Variants in OCSTAMP observed in about 807,000 individuals in gnomAD.
The protein encoded by OCSTAMP is transmembrane protein C20orf123.
A neutral mutation model predicts 25.2 loss-of-function variants in OCSTAMP; 17 were observed. That is an observed-to-expected ratio of 0.68 (90% CI 0.46 to 1.01). The LOEUF is 1.01. Among genes scored for constraint, OCSTAMP ranks in the 50% least tolerant of loss-of-function variants. The pLI is 0.00. For missense variants in OCSTAMP, 664 were observed against 694.6 expected (o/e 0.96, Z 0.50); for synonymous variants, 345 against 318.9 (o/e 1.08, Z -0.87).
At chr20:46,544,769 G>A (rs997641955) in intron 2 of OCSTAMP, among the ~76,000 whole-genome samples, 1 of 152,172 alleles carries the variant, frequency 6.6e-6, no homozygotes, top group African/African-American at 2.4e-5. Context: ...GCATGGCTGT[G>A]TTCTAAAAAA....
intron 1 of OCSTAMP, among the ~76,000 whole-genome samples, chr20:46,548,965 T>C (rs989021117): frequency 7.9e-5 from 12 of 152,288 alleles, no homozygotes; most frequent in Non-Finnish European, 1.2e-4. Context: ...GGGACCACCA[T>C]GTAGTATGAG....
Position 46,545,578 on chromosome 20 carries a change from G to T in OCSTAMP, c.796C>A (p.Arg266=), listed in dbSNP as rs369681916. 3.2e-6 allele frequency: 5 copies of T among 1,551,554 alleles called. No homozygotes were observed. Among genetic ancestry groups the T allele is most frequent in the African/African-American group, 1.4e-5 (1 of 73,056 alleles). The change falls in exon 2 of 3, where the codon CGG becomes AGG. Residue 266 remains arginine (R), a synonymous_variant. Coordinates refer to ENST00000279028, the MANE Select transcript of OCSTAMP (RefSeq NM_080721.3). ...TGTGTAGCCTGGGCCTGTGCCAACCGCTGGGTCAGCTGTTGAGTGGCGTAG... is the reference window on the plus strand; with the variant it reads ...TGTGTAGCCTGGGCCTGTGCCAACCTCTGGGTCAGCTGTTGAGTGGCGTAG... ...NIYATQQLTQ[R]LAQAQATHLL...
rs778371335 is a variant in OCSTAMP, at chr20:46,545,627, C to A, written c.747G>T (p.Leu249=). 3.0e-5 allele frequency: 46 copies of A among 1,551,588 alleles called. No homozygotes were observed. The highest frequency in any genetic ancestry group is 3.9e-5 in the Non-Finnish European group (45 of 1,147,006). The change falls in exon 2 of 3, where the codon CTG becomes CTT. Residue 249 remains leucine, a synonymous_variant. Coordinates refer to ENST00000279028, the MANE Select transcript of OCSTAMP (RefSeq NM_080721.3). Reference sequence around the variant, plus strand: ...AGATATTGTCAAACCGCAGGTCTGTCAGGTAGCAATGGAGGTACCATGCCG... The same window carrying A: ...AGATATTGTCAAACCGCAGGTCTGTAAGGTAGCAATGGAGGTACCATGCCG... ...VESAWYLHCY[L]TDLRFDNIYA...
At chr20:46,544,584 G>A (rs533641970) in intron 2 of OCSTAMP, among the ~76,000 whole-genome samples, 18 of 152,266 alleles carry the variant, frequency 1.2e-4, no homozygotes, top group Non-Finnish European at 2.4e-4. Context: ...AGAAAGGATC[G>A]AAAAACACAA....
At chr20:46,545,050 G>C (rs560341285) in intron 2 of OCSTAMP, among the ~76,000 whole-genome samples, 13 of 152,348 alleles carry the variant, frequency 8.5e-5, no homozygotes, top group African/African-American at 2.9e-4. Context: ...GCTAGGACAA[G>C]CTGCCACTTG....
At chr20:46,550,450 C>A (rs745930100) in intron 1 of OCSTAMP, 67 bp downstream of exon 1, 26 of 1,397,108 alleles carry the variant, frequency 1.9e-5, no homozygotes, top group Non-Finnish European at 2.6e-5. Flanking sequence ...GGGTTCATAT[C>A]CATCACCCCC....
chr20:46,542,236 A>G (rs1244514531), intron 2 of OCSTAMP, among the ~76,000 whole-genome samples: 1 of 152,204 alleles, frequency 6.6e-6, no homozygotes, highest in Non-Finnish European at 1.5e-5. Flanking sequence ...GTCCTATTCC[A>G]TCCAATATAC....
chr20:46,544,594 A>G (rs1036876022), intron 2 of OCSTAMP, among the ~76,000 whole-genome samples: 1 of 152,260 alleles, frequency 6.6e-6, no homozygotes, highest in African/African-American at 2.4e-5. Flanking sequence ...GAAAAACACA[A>G]CTCTTGATCT....
At chr20:46,543,298 TCTCTTTC>T (rs1398319062) in intron 2 of OCSTAMP, among the ~76,000 whole-genome samples, 11 of 77,882 alleles carry the variant, frequency 1.4e-4, no homozygotes, top group African/African-American at 5.5e-4. Flanking sequence ...TTTCTCTCTT[TCTCTTTC>T]CTTTCTTTCT....
chr20:46,543,373 G>A (rs1054429291), intron 2 of OCSTAMP, among the ~76,000 whole-genome samples: 2 of 129,666 alleles, frequency 1.5e-5, no homozygotes, highest in African/African-American at 6.3e-5. Flanking sequence ...TGCTGGCTCA[G>A]GTTGGAGTGC....
chr20:46,545,652 G>T lies in OCSTAMP; in HGVS notation c.722C>A (p.Ser241Ter), dbSNP rs1000693130. The change falls in exon 2 of 3, where the codon TCG becomes TAG. Residue 241 changes from serine (S) to a stop codon, truncating the protein, a stop_gained. Coordinates refer to ENST00000279028, the MANE Select transcript of OCSTAMP (RefSeq NM_080721.3). LOFTEE classifies it high-confidence loss of function. The part of the protein sequence containing the change: ...GLFMLGLLVE[S>*]AWYLHCYLTD... The stretch of plus-strand genomic sequence containing the variant: ...CAGGTAGCAATGGAGGTACCATGCC[G>T]ACTCCACCAGGAGGCCCAACATAAA... 21 of 1,551,578 alleles carry T rather than the reference G, an allele frequency of 1.4e-5. No individual in the cohort carries two copies. Among genetic ancestry groups the T allele is most frequent in the Non-Finnish European group, 1.4e-5 (16 of 1,147,002 alleles).
In OCSTAMP at chr20:46,541,668, G is replaced by C; in HGVS notation, c.1307C>G (p.Ala436Gly). Reference protein sequence around the residue: ...RHAIAASFFTAQEARRVRHLH... With the variant: ...RHAIAASFFTGQEARRVRHLH... ...GTGGCGGACCCTCCTCGCCTCCTGG[G>C]CTGTGAAGAAGGAAGCGGCGATGGC... The change falls in exon 3 of 3, where the codon GCC becomes GGC. Residue 436 changes from alanine to glycine, a missense_variant. By Grantham distance (60) the Ala-to-Gly change is moderately conservative. Transcript: ENST00000279028. The C allele has an allele frequency of 6.4e-7, 1 of 1,550,724 alleles. No homozygotes were observed. Among genetic ancestry groups the C allele is most frequent in the Non-Finnish European group, 8.7e-7 (1 of 1,146,966 alleles).
At position 46,546,296 on chromosome 20, in the gene OCSTAMP, G is replaced by T. The variant is rs1423143447; in HGVS notation, c.78C>A (p.Ala26=). 2 of 1,549,604 alleles carry T rather than the reference G, an allele frequency of 1.3e-6. No individual in the cohort carries two copies. Among genetic ancestry groups the T allele is most frequent in the African/African-American group, 2.7e-5 (2 of 72,974 alleles). ...CCCAGGCAGCCTGCAGTGGGGCAAG[G>T]GCCTTCCAGAACCCCAAGTGCCAGG... ...WRSWHLGFWK[A]LAPLQAAWDA... is the part of the protein sequence containing the mutation. Residue 26 remains alanine, a synonymous_variant, in exon 2 of 3, where the codon GCC becomes GCA. Transcript: ENST00000279028.
In OCSTAMP at chr20:46,546,072, G is replaced by A. The variant is rs1374022691; in HGVS notation, c.302C>T (p.Pro101Leu). 3 of 1,551,648 alleles carry A rather than the reference G, an allele frequency of 1.9e-6. No homozygotes were observed. Among genetic ancestry groups the A allele is most frequent in the Non-Finnish European group, 2.6e-6 (3 of 1,147,008 alleles). Residue 101 changes from proline (P) to leucine (L), a missense_variant, in exon 2 of 3, where the codon CCA becomes CTA. Physicochemically the swap from Pro to Leu is moderately conservative, Grantham distance 98 (BLOSUM62 -3). Transcript: ENST00000279028. ...GCTGAGTGCAAACAGGCAGCGGACT[G>A]GGGGTACCAGGCCCAGGCTCAGGAA... The part of the protein sequence containing the change: ...LVFLSLGLVP[P>L]VRCLFALSVP...
At chr20:46,548,676 G>A (rs1464692975) in intron 1 of OCSTAMP, among the ~76,000 whole-genome samples, 1 of 152,166 alleles carries the variant, frequency 6.6e-6, no homozygotes, top group African/African-American at 2.4e-5. Context: ...CGGGAATATG[G>A]TTATAAAGGG....
chr20:46,546,059 C>T lies in OCSTAMP; in HGVS notation c.315G>A (p.Leu105=), dbSNP rs2061851299. The T allele has an allele frequency of 1.3e-5, 20 of 1,551,642 alleles. No individual in the cohort carries two copies. The highest frequency in any genetic ancestry group is 1.7e-5 in the Non-Finnish European group (20 of 1,147,008). Residue 105 remains leucine, a synonymous_variant, in exon 2 of 3, where the codon CTG becomes CTA. Transcript: ENST00000279028. ...CCAGGGTGGGCACGCTGAGTGCAAA[C>T]AGGCAGCGGACTGGGGGTACCAGGC... ...SLGLVPPVRC[L]FALSVPTLGM...
rs566242434 is a variant in OCSTAMP at position 46,546,199 on chromosome 20, C to T, written c.175G>A (p.Ala59Thr). 9.7e-4 allele frequency: 1,501 copies of T among 1,551,796 alleles called. 22 individuals carry two copies. The South Asian group carries it at 0.017, about 17-fold the overall frequency. The change falls in exon 2 of 3, where the codon GCT becomes ACT. Residue 59 changes from alanine (A) to threonine (T), a missense_variant. Physicochemically the swap from Ala to Thr is moderately conservative, Grantham distance 58. Transcript: ENST00000279028. ...TAAACCAGACCTGCAGCAGCAGCAG[C>T]CAGGGAGGCACACAGGAGGAGCTGG... is the stretch of plus-strand genomic sequence containing the variant. Reference protein sequence around the residue: ...LTQLLLCASLAAAAAGLVYHW... With the variant: ...LTQLLLCASLTAAAAGLVYHW...
In OCSTAMP at chr20:46,542,272, G is replaced by A. The variant is rs141151965; in HGVS notation, c.1048-345C>T. Among the ~76,000 whole-genome samples the A allele has an allele frequency of 8.5e-3, 1,290 of 152,280 alleles. 8 individuals are homozygous for A. Among genetic ancestry groups the A allele is most frequent in the Middle Eastern group, 0.024 (7 of 294 alleles). On this transcript the variant is annotated intron_variant, in intron 2 of 2. Transcript: ENST00000279028. The stretch of plus-strand genomic sequence containing the variant: ...ACAATTCTATGGGTCGAGCCCAGGA[G>A]GAGCCTAATTTAAAAGATGGGAAGT...
chr20:46,545,213 C>T (rs935020899), intron 2 of OCSTAMP, 114 bp downstream of exon 2: 1 of 1,170,448 alleles, frequency 8.5e-7, no homozygotes, highest in Non-Finnish European at 1.2e-6. Flanking sequence ...ATGGATGATT[C>T]AAGGGCTGTT....
Sources: allele counts gnomAD v4.1 joint callset (sites outside exome capture counted in the v4.1 genomes callset), GRCh38; gene constraint gnomAD v4.1.1; transcripts MANE v1.5; gene names NCBI Gene and HGNC (gene_info 2026-07-23, HGNC 2026-07-21).